The following DIP2B variants were observed in gnomAD, a reference collection of about 807,000 sequenced individuals.
DIP2B encodes the protein DIP2 acetate--CoA ligase B (putative).
Under a neutral mutation model 198.0 loss-of-function variants are expected in DIP2B, and 76 were observed. The ratio of observed to expected loss-of-function variants is 0.38; its 90% confidence interval spans 0.32 to 0.46. The LOEUF (loss-of-function observed/expected upper bound fraction) is 0.46, where lower values mean the gene tolerates loss of function less well. Among genes scored for constraint, DIP2B ranks in the 20% least tolerant of loss-of-function variants. The probability of loss-of-function intolerance (pLI) is 0.99; values close to 1 mark genes in which losing one functional copy is unlikely to be tolerated. For missense variants in DIP2B, 1,559 were observed against 1,978.4 expected (o/e 0.79, Z 4.02); for synonymous variants, 701 against 739.1 (o/e 0.95, Z 0.84).
chr12:50,509,540 T>A (rs915709976), intron 1 of DIP2B, among the ~76,000 whole-genome samples: 1 of 152,226 alleles, frequency 6.6e-6, no homozygotes, highest in Non-Finnish European at 1.5e-5. Context: ...CATCCTCCCT[T>A]TCTCCTGTCT....
chr12:50,557,514 T>A (rs1335488849), intron 1 of DIP2B, among the ~76,000 whole-genome samples: 1 of 152,194 alleles, frequency 6.6e-6, no homozygotes, highest in East Asian at 1.9e-4. Context: ...ACTAATGTTC[T>A]CACAACAGTG....
intron 1 of DIP2B, among the ~76,000 whole-genome samples, chr12:50,540,617 C>T (rs1376793237): frequency 6.8e-6 from 1 of 147,776 alleles, no homozygotes; most frequent in Non-Finnish European, 1.5e-5. Flanking sequence ...GGTGCGATCT[C>T]GGCTCACTGC....
At chr12:50,735,226 G>C in intron 34 of DIP2B, 96 bp downstream of exon 34, 1 of 1,380,306 alleles carries the variant, frequency 7.2e-7, no homozygotes, top group South Asian at 1.2e-5. Flanking sequence ...AGTGTCCAGG[G>C]CAAGCCTTAA....
intron 25 of DIP2B, among the ~76,000 whole-genome samples, chr12:50,719,458 A>G: frequency 6.6e-6 from 1 of 152,218 alleles, no homozygotes; most frequent in African/African-American, 2.4e-5. Context: ...ACATAGTTAA[A>G]TGATTTATTG....
At chr12:50,651,978 A>G (rs2139501426) in intron 3 of DIP2B, among the ~76,000 whole-genome samples, 1 of 152,146 alleles carries the variant, frequency 6.6e-6, no homozygotes, top group Non-Finnish European at 1.5e-5. Context: ...TCAGGAGTTC[A>G]AGACCAGCCT....
rs1200262056 is a variant in DIP2B, at chr12:50,714,521, C to T, written c.2776C>T (p.Leu926=). 6.2e-7 allele frequency: 1 copy of T among 1,614,164 alleles called. No homozygotes were observed. The highest frequency in any genetic ancestry group is 1.1e-5 in the South Asian group (1 of 91,088). Residue 926 remains leucine, a synonymous_variant, in exon 23 of 38, where the codon CTG becomes TTG. Coordinates refer to ENST00000301180, the MANE Select transcript of DIP2B (RefSeq NM_173602.3). ...GAAACAACTCTTTCTGGAGGGATCA[C>T]TGCATCCTTGCAACATCCTCATGTG... ...QTKQLFLEGS[L]HPCNILMCPH...
intron 4 of DIP2B, among the ~76,000 whole-genome samples, chr12:50,663,741 A>C (rs576835994): frequency 6.6e-6 from 1 of 151,466 alleles, no homozygotes; most frequent in Non-Finnish European, 1.5e-5. Flanking sequence ...GTGGTAGTGC[A>C]TGTCTGTTGT....
At chr12:50,525,313 G>A (rs1224786293) in intron 1 of DIP2B, among the ~76,000 whole-genome samples, 2 of 150,054 alleles carry the variant, frequency 1.3e-5, no homozygotes, top group African/African-American at 2.5e-5. Flanking sequence ...AGCCGAAAGC[G>A]GGCCACTGCA....
At chr12:50,540,715 AT>A (rs1213912726) in intron 1 of DIP2B, among the ~76,000 whole-genome samples, 1 of 150,944 alleles carries the variant, frequency 6.6e-6, no homozygotes, top group Non-Finnish European at 1.5e-5. Flanking sequence ...CGCCCGGCTA[AT>A]TTTTTGTATT....
intron 1 of DIP2B, among the ~76,000 whole-genome samples, chr12:50,521,170 G>A (rs1001332649): frequency 5.5e-5 from 8 of 144,828 alleles, no homozygotes; most frequent in South Asian, 4.4e-4. Flanking sequence ...ACAGTGGCGC[G>A]ATGTCAGGTC....
chr12:50,714,688 C>A, intron 23 of DIP2B, 92 bp downstream of exon 23: 2 of 1,505,844 alleles, frequency 1.3e-6, no homozygotes, highest in Non-Finnish European at 1.8e-6. Flanking sequence ...AATTAGTTTA[C>A]AAAGACTTTG....
Position 50,643,405 on chromosome 12 carries a change from C to CTGTGTGTGTG in DIP2B, c.301+2591_301+2600dup, listed in dbSNP as rs57483938. On this transcript the variant is annotated intron_variant, in intron 3 of 37. Coordinates refer to ENST00000301180, the MANE Select transcript of DIP2B (RefSeq NM_173602.3). ...TATGTTAATCTCACTGGGAGTTTTT[C>CTGTGTGTGTG]TGTGTGTGTGTGTGTGTGTGTGTGT... 1.5e-3 allele frequency among the ~76,000 whole-genome samples: 193 copies of CTGTGTGTGTG among 131,184 alleles called. 3 individuals are homozygous for CTGTGTGTGTG. Among genetic ancestry groups the CTGTGTGTGTG allele is most frequent in the East Asian group, 4.6e-3 (20 of 4,316 alleles). 86.1% of individuals were successfully genotyped at this position (131,184 alleles called of 152,430 possible).
chr12:50,590,159 A>ATT lies in DIP2B; in HGVS notation c.101-35806_101-35805dup, dbSNP rs67465895. 2.7e-4 allele frequency among the ~76,000 whole-genome samples: 40 copies of ATT among 148,378 alleles called. 1 individual carries two copies. Among genetic ancestry groups the ATT allele is most frequent in the Middle Eastern group, 3.4e-3 (1 of 290 alleles). On this transcript the variant is annotated intron_variant, in intron 1 of 37. Coordinates refer to ENST00000301180, the MANE Select transcript of DIP2B (RefSeq NM_173602.3). ...AGGATCATGTTACCGTTTCTGGATAATTTTTTTTTTTTAATTTTATGTAGA... is the reference window on the plus strand; with the variant it reads ...AGGATCATGTTACCGTTTCTGGATAATTTTTTTTTTTTTTAATTTTATGTAGA...
chr12:50,664,898 G>C (rs1320468788), intron 4 of DIP2B, among the ~76,000 whole-genome samples: 1 of 124,344 alleles, frequency 8.0e-6, no homozygotes, highest in Non-Finnish European at 1.6e-5. Context: ...ACCCAGGCTG[G>C]AGTATAGTGG....
At chr12:50,580,930 C>G (rs1054300628) in intron 1 of DIP2B, among the ~76,000 whole-genome samples, 1 of 149,230 alleles carries the variant, frequency 6.7e-6, no homozygotes, top group African/African-American at 2.5e-5. Context: ...CTTGAAGGAC[C>G]GACCCGGCTT....
intron 1 of DIP2B, among the ~76,000 whole-genome samples, chr12:50,517,296 C>A (rs1458856790): frequency 6.6e-6 from 1 of 151,700 alleles, no homozygotes; most frequent in Non-Finnish European, 1.5e-5. Context: ...AGGCTGATCT[C>A]ACTCCTGGGC....
intron 22 of DIP2B, among the ~76,000 whole-genome samples, chr12:50,711,514 T>C (rs1939614935): frequency 2.6e-5 from 4 of 152,294 alleles, no homozygotes; most frequent in Middle Eastern, 3.4e-3. Context: ...CTGAGGATTG[T>C]GATTTTCAAG....
intron 3 of DIP2B, among the ~76,000 whole-genome samples, chr12:50,642,592 C>T (rs1013008178): frequency 2.6e-5 from 4 of 152,108 alleles, no homozygotes; most frequent in Admixed American, 2.0e-4. Flanking sequence ...TCGAGACCAT[C>T]CTGGCTAACA....
rs371524388 is a variant in DIP2B, at chr12:50,694,654, C to CTTTT, written c.1720-598_1720-595dup. On this transcript the variant is annotated intron_variant, in intron 14 of 37. Coordinates refer to ENST00000301180, the MANE Select transcript of DIP2B (RefSeq NM_173602.3). ...GGGCAACATAGTGAAACCCCTGTCTCTTTTTTTTTTTTTTTTTTAAAGCAT... is the reference window on the plus strand; with the variant it reads ...GGGCAACATAGTGAAACCCCTGTCTCTTTTTTTTTTTTTTTTTTTTTTAAAGCAT... Among the ~76,000 whole-genome samples, 538 of 131,182 alleles carry CTTTT rather than the reference C, an allele frequency of 4.1e-3. 14 individuals are homozygous for CTTTT. Among genetic ancestry groups the CTTTT allele is most frequent in the Middle Eastern group, 0.028 (7 of 246 alleles). 86.1% of individuals were successfully genotyped at this position (131,182 alleles called of 152,430 possible).
Sources: gnomAD v4.1 joint callset for allele counts (sites outside exome capture counted in the v4.1 genomes callset) on GRCh38, gnomAD v4.1.1 for gene constraint, MANE v1.5 for transcripts, NCBI Gene and HGNC (gene_info 2026-07-23, HGNC 2026-07-21) for gene names.